RAMP3: variants seen among roughly 807,000 people sequenced by gnomAD.
The protein encoded by RAMP3 is receptor activity modifying protein 3.
RAMP3 carries 14 observed loss-of-function variants against 13.5 expected under a neutral mutation model. The observed-to-expected ratio is 1.04, with a 90% CI of 0.69 to 1.63. RAMP3 has a LOEUF of 1.63. Ranked by LOEUF, RAMP3 falls within the 40% of genes most tolerant of loss-of-function variation. RAMP3 has a pLI of 0.00. For missense variants in RAMP3, 200 were observed against 204.8 expected, an observed-to-expected ratio of 0.98 and a Z score of 0.14; for synonymous variants, 106 against 88.3, an observed-to-expected ratio of 1.20 and a Z score of -1.12.
In RAMP3 at chr7:45,178,389, G is replaced by A. The variant is rs1786236202; in HGVS notation, c.191+948G>A. The stretch of plus-strand genomic sequence containing the variant: ...CTTGTGCCACCCCCTGGTGGCTGCT[G>A]CCAGACCCTAAATGTGCTGGCCTCA... On this transcript the variant is annotated intron_variant, in intron 2 of 2. Transcript: ENST00000242249. Among the ~76,000 whole-genome samples, 4 of 152,216 alleles carry A rather than the reference G, an allele frequency of 2.6e-5. No individual in the cohort carries two copies. The South Asian group carries it at 8.3e-4, about 31-fold the overall frequency.
chr7:45,182,387 C>T (rs1441830877), intron 2 of RAMP3, among the ~76,000 whole-genome samples: 2 of 152,066 alleles, frequency 1.3e-5, no homozygotes, highest in African/African-American at 4.8e-5. Flanking sequence ...CACAGGCTGC[C>T]CATTGGAACA....
intron 1 of RAMP3, among the ~76,000 whole-genome samples, chr7:45,164,539 G>GAA (rs35150121): frequency 1.3e-5 from 2 of 148,716 alleles, no homozygotes; most frequent in Admixed American, 6.7e-5. Flanking sequence ...TGTCTCAAAA[G>GAA]AAAAAAAAAA....
intron 1 of RAMP3, among the ~76,000 whole-genome samples, chr7:45,162,740 G>A (rs1377007153): frequency 6.6e-6 from 1 of 152,122 alleles, no homozygotes; most frequent in Non-Finnish European, 1.5e-5. Flanking sequence ...AGAGAAATGG[G>A]GCAAGGGTCT....
At chr7:45,159,876 A>T (rs898195331) in intron 1 of RAMP3, among the ~76,000 whole-genome samples, 1 of 152,214 alleles carries the variant, frequency 6.6e-6, no homozygotes, top group Admixed American at 6.5e-5. Flanking sequence ...ATGGAGCACC[A>T]TAGTGTGTGT....
chr7:45,183,133 C>A (rs1233982317), intron 2 of RAMP3, 24 bp from the exon 3 acceptor site: 1 of 1,605,044 alleles, frequency 6.2e-7, no homozygotes, highest in Non-Finnish European at 8.5e-7. Flanking sequence ...GAGAGCCTGG[C>A]TTTCACCCCC....
In RAMP3 at chr7:45,164,895, T is replaced by C. The variant is rs978262510; in HGVS notation, c.58+7009T>C. Among the ~76,000 whole-genome samples, 3 of 152,234 alleles carry C rather than the reference T, an allele frequency of 2.0e-5. No homozygotes were observed. The South Asian group carries it at 6.2e-4, about 32-fold the overall frequency. On this transcript the variant is annotated intron_variant, in intron 1 of 2. Transcript: ENST00000242249. The stretch of plus-strand genomic sequence containing the variant: ...GCAGCCTACTGTTGGACCTTACTTT[T>C]TGTTCTTATTTGACAATCTTTGCTT...
At chr7:45,181,171 A>T (rs1362499426) in intron 2 of RAMP3, among the ~76,000 whole-genome samples, 2 of 152,226 alleles carry the variant, frequency 1.3e-5, no homozygotes, top group African/African-American at 2.4e-5. Context: ...TCCAGGGAGG[A>T]TAAATGACAT....
intron 1 of RAMP3, among the ~76,000 whole-genome samples, chr7:45,169,695 C>T (rs1283213910): frequency 6.6e-6 from 1 of 152,184 alleles, no homozygotes; most frequent in Non-Finnish European, 1.5e-5. Context: ...ACACTGTTGT[C>T]TTCTCCCTGA....
chr7:45,159,455 G>T (rs937912277), intron 1 of RAMP3, among the ~76,000 whole-genome samples: 1 of 152,202 alleles, frequency 6.6e-6, no homozygotes, highest in South Asian at 2.1e-4. Context: ...GAGGGTGCAG[G>T]CCTCTGGGGC....
chr7:45,173,409 C>T (rs1786117243), intron 1 of RAMP3, among the ~76,000 whole-genome samples: 1 of 152,178 alleles, frequency 6.6e-6, no homozygotes, highest in African/African-American at 2.4e-5. Flanking sequence ...GGTGTCAGGA[C>T]CCTGGGCTAT....
In RAMP3 at chr7:45,179,217, T is replaced by C. The variant is rs1786255211; in HGVS notation, c.191+1776T>C. Reference sequence around the variant, plus strand: ...TCCAGGAGGGTGGTCTAGGGTAGGATTGGAGCTGTCCTTTCTGAGGAGTGA... The same window carrying C: ...TCCAGGAGGGTGGTCTAGGGTAGGACTGGAGCTGTCCTTTCTGAGGAGTGA... On this transcript the variant is annotated intron_variant, in intron 2 of 2. Coordinates refer to ENST00000242249, the MANE Select transcript of RAMP3 (RefSeq NM_005856.3). Among the ~76,000 whole-genome samples the C allele has an allele frequency of 2.0e-5, 3 of 152,030 alleles. No homozygotes were observed. In the South Asian group the frequency reaches 6.2e-4, roughly 32 times the overall value.
intron 1 of RAMP3, among the ~76,000 whole-genome samples, chr7:45,166,087 A>G (rs537458374): frequency 1.2e-4 from 18 of 152,152 alleles, no homozygotes; most frequent in Non-Finnish European, 2.1e-4. Context: ...AGAAACTGCT[A>G]GACTAGTTTC....
At position 45,183,654 on chromosome 7, in the gene RAMP3, A is replaced by G; in HGVS notation, c.*242A>G. On this transcript the variant is annotated 3_prime_UTR_variant, in exon 3 of 3. Transcript: ENST00000242249. ...TAGGGCCAGTGGAGGAAAATGTGAT[A>G]AGGCCAGAGCTTGTGTGCTGGGCAC... 1 of 610,288 alleles carries G rather than the reference A, an allele frequency of 1.6e-6. No individual in the cohort carries two copies. Among genetic ancestry groups the G allele is most frequent in the Admixed American group, 2.9e-5 (1 of 34,088 alleles). 37.8% of individuals were successfully genotyped at this position (610,288 alleles called of 1,614,324 possible). A position where few individuals can be genotyped will look rare whatever the true frequency, so the allele number is the denominator to read the frequency against.
At chr7:45,181,187 A>G (rs6977742) in intron 2 of RAMP3, among the ~76,000 whole-genome samples, 2,076 of 152,326 alleles carry the variant, frequency 0.014, 43 homozygotes, top group African/African-American at 0.047. Flanking sequence ...GACATGGCCC[A>G]TACCACAAAG....
chr7:45,164,460 A>G (rs1032747970), intron 1 of RAMP3, among the ~76,000 whole-genome samples: 16 of 152,192 alleles, frequency 1.1e-4, no homozygotes, highest in African/African-American at 3.9e-4. Flanking sequence ...GCTCAAGCCC[A>G]GGCAGTGAAG....
chr7:45,163,864 A>T (rs990025208), intron 1 of RAMP3: 3 of 985,154 alleles, frequency 3.0e-6, no homozygotes, highest in East Asian at 2.3e-4. Flanking sequence ...TCCTGCAGAG[A>T]TGGTATGGCT....
At chr7:45,173,506 C>T (rs144858828) in intron 1 of RAMP3, among the ~76,000 whole-genome samples, 208 of 152,324 alleles carry the variant, frequency 1.4e-3, no homozygotes, top group Middle Eastern at 0.01. Flanking sequence ...GGACACATGC[C>T]TTGAGGTGCC....
In RAMP3 at chr7:45,157,814, T is replaced by C; in HGVS notation, c.-15T>C. On this transcript the variant is annotated 5_prime_UTR_variant, in exon 1 of 3. Coordinates refer to ENST00000242249, the MANE Select transcript of RAMP3 (RefSeq NM_005856.3). ...CCAGCGGGACCGAGCGTGACCCAGC[T>C]GCGGCCGGCCAGCCATGGAGACTGG... 7.7e-7 allele frequency: 1 copy of C among 1,296,674 alleles called. No individual in the cohort carries two copies. The highest frequency in any genetic ancestry group is 1.5e-5 in the South Asian group (1 of 68,648). 80.3% of individuals were successfully genotyped at this position (1,296,674 alleles called of 1,614,324 possible).
At chr7:45,173,659 C>T (rs1213511604) in intron 1 of RAMP3, among the ~76,000 whole-genome samples, 1 of 130,630 alleles carries the variant, frequency 7.7e-6, no homozygotes, top group African/African-American at 3.0e-5. Flanking sequence ...GTGGAGGAAA[C>T]CCCAGCATGG....
Sources: allele counts gnomAD v4.1 joint callset (sites outside exome capture counted in the v4.1 genomes callset), GRCh38; gene constraint gnomAD v4.1.1; transcripts MANE v1.5; gene names NCBI Gene and HGNC (gene_info 2026-07-23, HGNC 2026-07-21).